GNE: variants seen among roughly 807,000 people sequenced by gnomAD.
The protein encoded by GNE is bifunctional UDP-N-acetylglucosamine 2-epimerase/N-acetylmannosamine kinase.
In GNE, 41 loss-of-function variants were observed where a neutral mutation model predicts 61.8. That is an observed-to-expected ratio of 0.66 (90% CI 0.52 to 0.86). The LOEUF is 0.86. Ranked by LOEUF, GNE falls within the 40% of genes least tolerant of loss-of-function variation. The pLI, the probability that GNE is intolerant of heterozygous loss-of-function variation, is 0.00. For missense variants in GNE, 608 were observed against 909.1 expected (o/e 0.67, Z 4.26); for synonymous variants, 264 against 326.4 (o/e 0.81, Z 2.06).
At chr9:36,237,847 GTATCA>G (rs1829460413) in intron 3 of GNE, among the ~76,000 whole-genome samples, 1 of 151,052 alleles carries the variant, frequency 6.6e-6, no homozygotes, top group Non-Finnish European at 1.5e-5. Context: ...AAAGTCCACT[GTATCA>G]TTCTTAGGCC....
intron 1 of GNE, among the ~76,000 whole-genome samples, chr9:36,249,871 G>C (rs1182690288): frequency 6.7e-6 from 1 of 150,118 alleles, no homozygotes; most frequent in Non-Finnish European, 1.5e-5. Flanking sequence ...GTGACAGAGC[G>C]AGACTCCATC....
At chr9:36,276,509 C>T (rs938480470) in intron 1 of GNE, among the ~76,000 whole-genome samples, 17 of 152,078 alleles carry the variant, frequency 1.1e-4, no homozygotes, top group Non-Finnish European at 1.5e-5. Flanking sequence ...GCTCTACATG[C>T]CATGTTTCAA....
chr9:36,219,723 A>T (rs927415950), intron 10 of GNE, 115 bp downstream of exon 10: 28 of 940,018 alleles, frequency 3.0e-5, no homozygotes, highest in Non-Finnish European at 4.8e-5. Flanking sequence ...CTCTTTCCCT[A>T]AGAAGTGAAA....
At chr9:36,272,418 G>T (rs573300232) in intron 1 of GNE, among the ~76,000 whole-genome samples, 2 of 151,498 alleles carry the variant, frequency 1.3e-5, no homozygotes, top group Non-Finnish European at 2.9e-5. Context: ...TCAGGAGATC[G>T]AGACCATCCT....
intron 1 of GNE, among the ~76,000 whole-genome samples, chr9:36,250,580 C>T (rs1830074384): frequency 6.6e-6 from 1 of 152,144 alleles, no homozygotes; most frequent in Admixed American, 6.6e-5. Context: ...AATCTATCTC[C>T]TCCTCTTCAT....
intron 3 of GNE, among the ~76,000 whole-genome samples, chr9:36,245,343 T>G (rs1829825090): frequency 6.6e-6 from 1 of 151,924 alleles, no homozygotes; most frequent in African/African-American, 2.4e-5. Context: ...AATAAATGAC[T>G]TGGTGTACAT....
intron 7 of GNE, among the ~76,000 whole-genome samples, chr9:36,223,813 G>A (rs1270934874): frequency 7.9e-5 from 12 of 151,062 alleles, no homozygotes; most frequent in Admixed American, 1.3e-4. Context: ...GCGCTATGGC[G>A]CGATCTCAGC....
chr9:36,249,437 T>A, intron 1 of GNE, 40 bp from the exon 2 acceptor site: 2 of 1,308,862 alleles, frequency 1.5e-6, no homozygotes, highest in Non-Finnish European at 2.2e-6. Flanking sequence ...TCAGAATAAC[T>A]CCTAGATATA....
intron 1 of GNE, among the ~76,000 whole-genome samples, chr9:36,256,655 A>C (rs1234854709): frequency 6.6e-6 from 1 of 152,150 alleles, no homozygotes; most frequent in Non-Finnish European, 1.5e-5. Flanking sequence ...TGCCCCACTC[A>C]ACCGTGGAAA....
At chr9:36,257,944 C>G (rs1374985679) in intron 1 of GNE, among the ~76,000 whole-genome samples, 1 of 151,808 alleles carries the variant, frequency 6.6e-6, no homozygotes, top group African/African-American at 2.4e-5. Flanking sequence ...CCTTTTCACG[C>G]CAGGACAGCT....
At position 36,241,998 on chromosome 9, in the gene GNE, T is replaced by TC. The variant is rs767492637; in HGVS notation, c.616+4032_616+4033insG. Among the ~76,000 whole-genome samples, 176 of 151,842 alleles carry TC rather than the reference T, an allele frequency of 1.2e-3. 4 individuals are homozygous for TC. The highest frequency in any genetic ancestry group is 0.011 in the Admixed American group (173 of 15,226). On this transcript the variant is annotated intron_variant, in intron 3 of 11. Coordinates refer to ENST00000642385, the MANE Select transcript of GNE (RefSeq NM_005476.7). The stretch of plus-strand genomic sequence containing the variant: ...TAAAAATACAAAAATTAGCCAGGTG[T>TC]GGTGGTGTGCGCCTGTAGTCCCAGC...
At chr9:36,228,878 TC>T in intron 6 of GNE, 142 bp downstream of exon 6, 1 of 646,032 alleles carries the variant, frequency 1.5e-6, no homozygotes, top group South Asian at 1.4e-5. Flanking sequence ...ATATTAGCAA[TC>T]CCTGTCTCCC....
intron 1 of GNE, among the ~76,000 whole-genome samples, chr9:36,251,124 C>A (rs758017439): frequency 5.9e-5 from 9 of 152,118 alleles, no homozygotes; most frequent in Non-Finnish European, 1.3e-4. Flanking sequence ...TTATAGATGC[C>A]ACCTACTTTT....
intron 1 of GNE, among the ~76,000 whole-genome samples, chr9:36,269,965 T>C (rs943550084): frequency 2.0e-5 from 3 of 151,070 alleles, no homozygotes; most frequent in Non-Finnish European, 3.0e-5. Flanking sequence ...CCCGGCCGGT[T>C]GTTGGGTTTT....
chr9:36,254,204 C>CT (rs1830233199), intron 1 of GNE, among the ~76,000 whole-genome samples: 1 of 63,984 alleles, frequency 1.6e-5, no homozygotes, highest in African/African-American at 7.0e-5. Context: ...GACTTTGTCT[C>CT]AAAATAAATA....
intron 1 of GNE, among the ~76,000 whole-genome samples, chr9:36,264,141 G>T (rs999038496): frequency 7.3e-5 from 11 of 151,500 alleles, no homozygotes; most frequent in African/African-American, 1.5e-4. Context: ...ATTTTATTAT[G>T]TTTTTTTTGG....
At chr9:36,254,205 A>AAAATAAAT (rs60990459) in intron 1 of GNE, among the ~76,000 whole-genome samples, 14,748 of 144,676 alleles carry the variant, frequency 0.1, 1,063 homozygotes, top group South Asian at 0.2. Flanking sequence ...ACTTTGTCTC[A>AAAATAAAT]AAATAAATAA....
rs747345732 is a variant in GNE at position 36,215,010 on chromosome 9, C to T, written c.*2355G>A. On this transcript the variant is annotated 3_prime_UTR_variant, in exon 12 of 12. Coordinates refer to ENST00000642385, the MANE Select transcript of GNE (RefSeq NM_005476.7). The stretch of plus-strand genomic sequence containing the variant: ...GATATATGCACATGATTTCTTAGAT[C>T]ATCTAAAAGTACCCATAAAAACCTG... 5 of 152,110 alleles carry T rather than the reference C, an allele frequency of 3.3e-5. No homozygotes were observed. Among genetic ancestry groups the T allele is most frequent in the Non-Finnish European group, 5.9e-5 (4 of 68,024 alleles). The allele number at this position is 152,110 out of a possible 1,614,324, so 9.4% of individuals were successfully genotyped here.
At chr9:36,239,184 T>A (rs1328063477) in intron 3 of GNE, among the ~76,000 whole-genome samples, 9 of 152,204 alleles carry the variant, frequency 5.9e-5, no homozygotes, top group African/African-American at 2.2e-4. Context: ...AGATTTGTTC[T>A]TTTTGCTTAC....
Sources: gnomAD v4.1 joint callset for allele counts (sites outside exome capture counted in the v4.1 genomes callset) on GRCh38, gnomAD v4.1.1 for gene constraint, MANE v1.5 for transcripts, NCBI Gene and HGNC (gene_info 2026-07-23, HGNC 2026-07-21) for gene names.